The following DNAJC5B variants were observed in gnomAD, a reference collection of about 807,000 sequenced individuals.
The protein encoded by DNAJC5B is DnaJ heat shock protein family (Hsp40) member C5 beta.
A neutral mutation model predicts 24.7 loss-of-function variants in DNAJC5B; 23 were observed. The ratio of observed to expected loss-of-function variants is 0.93; its 90% CI spans 0.67 to 1.32. The LOEUF is 1.32. Ranked by LOEUF, DNAJC5B falls within the 40% of genes most tolerant of loss-of-function variation. The probability of loss-of-function intolerance (pLI) is 0.00; values close to 1 mark genes in which losing one functional copy is unlikely to be tolerated. For missense variants in DNAJC5B, 238 were observed against 240.8 expected (o/e 0.99, Z 0.08); for synonymous variants, 101 against 90.1 (o/e 1.12, Z -0.68).
At chr8:66,024,482 T>C (rs1806212647) in intron 1 of DNAJC5B, among the ~76,000 whole-genome samples, 1 of 137,606 alleles carries the variant, frequency 7.3e-6, no homozygotes. Flanking sequence ...TTGTGCAGGT[T>C]AGTTACATAT....
chr8:66,051,552 C>T lies in DNAJC5B; in HGVS notation c.5C>T (p.Ala2Val). Residue 2 changes from alanine to valine, a missense_variant, in exon 3 of 6, where the codon GCA (alanine) becomes GTA (valine). Transcript: ENST00000276570. M[A>V]CNIPNQRQRT... ...TTAGTTTTGCAGCCTTAGAAAATGGCATGTAACATACCTAACCAAAGACAG... is the reference window on the plus strand; with the variant it reads ...TTAGTTTTGCAGCCTTAGAAAATGGTATGTAACATACCTAACCAAAGACAG... 1.2e-6 allele frequency: 2 copies of T among 1,610,394 alleles called. No homozygotes were observed. The highest frequency in any genetic ancestry group is 1.7e-6 in the Non-Finnish European group (2 of 1,178,520).
At chr8:66,067,015 T>C (rs1412854611) in intron 3 of DNAJC5B, among the ~76,000 whole-genome samples, 1 of 152,208 alleles carries the variant, frequency 6.6e-6, no homozygotes, top group Non-Finnish European at 1.5e-5. Flanking sequence ...TTGGCTCATA[T>C]GTGTAACAGC....
At chr8:66,062,314 G>T (rs1478742052) in intron 3 of DNAJC5B, among the ~76,000 whole-genome samples, 2 of 152,182 alleles carry the variant, frequency 1.3e-5, no homozygotes, top group Non-Finnish European at 2.9e-5. Context: ...CAGAGGAGGG[G>T]CAGATCAGAA....
chr8:66,085,745 A>G (rs889951928), intron 5 of DNAJC5B, among the ~76,000 whole-genome samples: 2 of 150,684 alleles, frequency 1.3e-5, no homozygotes. Context: ...TTCCAACTTT[A>G]TTTTTTTTTA....
intron 1 of DNAJC5B, among the ~76,000 whole-genome samples, chr8:66,034,370 G>GTC (rs1806433626): frequency 6.6e-6 from 1 of 152,052 alleles, no homozygotes; most frequent in Non-Finnish European, 1.5e-5. Flanking sequence ...CACCCCACCA[G>GTC]CAGATGGACA....
Position 66,080,484 on chromosome 8 carries a change from A to G in DNAJC5B, c.441A>G (p.Pro147=), listed in dbSNP as rs1384898180. Residue 147 remains proline (P), a synonymous_variant, in exon 5 of 6, where the codon CCA becomes CCG. Transcript: ENST00000276570. ...CGHCRPESSV[P]EEDFYVSPED... ...ACTGCCGGCCCGAGTCATCAGTGCC[A>G]GAAGAGGACTTCTATGTGTCCCCAG... 1.1e-5 allele frequency: 17 copies of G among 1,613,816 alleles called. No homozygotes were observed. The highest frequency in any genetic ancestry group is 1.7e-5 in the Admixed American group (1 of 59,978).
At chr8:66,038,654 G>A (rs1005027290) in intron 1 of DNAJC5B, among the ~76,000 whole-genome samples, 1 of 152,068 alleles carries the variant, frequency 6.6e-6, no homozygotes, top group Admixed American at 6.5e-5. Flanking sequence ...TCCTGAGCAG[G>A]GAATACCATC....
upstream of DNAJC5B, among the ~76,000 whole-genome samples, chr8:66,018,432 T>C (rs746004646): frequency 1.3e-5 from 2 of 152,066 alleles, no homozygotes; most frequent in Non-Finnish European, 2.9e-5. Flanking sequence ...AGGCAGAGAA[T>C]TGCTTGAACC....
chr8:66,057,154 A>C (rs1586087097), intron 3 of DNAJC5B: 1 of 152,174 alleles, frequency 6.6e-6, no homozygotes, highest in Non-Finnish European at 1.5e-5. Flanking sequence ...AAATAAATAA[A>C]TAAAGTAACC....
At chr8:66,047,563 C>T (rs543679961) in intron 2 of DNAJC5B, among the ~76,000 whole-genome samples, 43 of 152,272 alleles carry the variant, frequency 2.8e-4, no homozygotes, top group African/African-American at 7.7e-4. Context: ...TCTCTGATGT[C>T]CCTAAGTACC....
intron 1 of DNAJC5B, among the ~76,000 whole-genome samples, chr8:66,036,106 G>A (rs1438591454): frequency 6.6e-6 from 1 of 152,200 alleles, no homozygotes; most frequent in Non-Finnish European, 1.5e-5. Context: ...ACCCCAATGA[G>A]CTGGCCAAGG....
chr8:66,045,577 T>C (rs1193761557), intron 2 of DNAJC5B, among the ~76,000 whole-genome samples: 2 of 152,210 alleles, frequency 1.3e-5, no homozygotes, highest in Admixed American at 1.3e-4. Context: ...GCCTTTTTTT[T>C]TCATACTAGA....
chr8:66,044,594 G>T (rs1806685719), intron 2 of DNAJC5B, among the ~76,000 whole-genome samples: 2 of 152,138 alleles, frequency 1.3e-5, no homozygotes. Flanking sequence ...TCATTGGGGG[G>T]TTGTACCTTC....
At position 66,055,808 on chromosome 8, in the gene DNAJC5B, G is replaced by T. The variant is rs939149060; in HGVS notation, c.119+4142G>T. Among the ~76,000 whole-genome samples the T allele has an allele frequency of 1.2e-4, 19 of 152,156 alleles. 2 individuals carry two copies. Among genetic ancestry groups the T allele is most frequent in the Admixed American group, 1.1e-3 (17 of 15,280 alleles). The stretch of plus-strand genomic sequence containing the variant: ...AATATAAAAATTAGCTGGGCGTGGT[G>T]ACGCATGCCTGTAATCCCAGCTGCT... On this transcript the variant is annotated intron_variant, in intron 3 of 5. Transcript: ENST00000276570.
At chr8:66,076,960 C>T in intron 4 of DNAJC5B, 87 bp downstream of exon 4, 1 of 1,380,316 alleles carries the variant, frequency 7.2e-7, no homozygotes, top group Non-Finnish European at 1.0e-6. Flanking sequence ...GGAAGTCTAA[C>T]CTTCCTGCTA....
chr8:66,014,978 G>T, the DNAJC5B span, among the ~76,000 whole-genome samples: 1 of 152,110 alleles, frequency 6.6e-6, no homozygotes, highest in Non-Finnish European at 1.5e-5. Context: ...AGAGTCAGTG[G>T]TTTCAAGGGA....
intron 5 of DNAJC5B, among the ~76,000 whole-genome samples, chr8:66,094,188 G>A (rs2128966976): frequency 6.6e-6 from 1 of 152,054 alleles, no homozygotes; most frequent in Non-Finnish European, 1.5e-5. Flanking sequence ...TCAGGTTTTT[G>A]TCAAGTTATT....
rs562528678 is a variant in DNAJC5B at position 66,050,505 on chromosome 8, A to G, written c.-17-1026A>G. On this transcript the variant is annotated intron_variant, in intron 2 of 5. Transcript: ENST00000276570. ...ACAATACCCAAATGTTCAATTGTAT[A>G]GGTTTCACCATCTGATAGATAGTTC... 2.0e-5 allele frequency among the ~76,000 whole-genome samples: 3 copies of G among 152,312 alleles called. No individual in the cohort carries two copies. In the South Asian group the frequency reaches 6.2e-4, roughly 32 times the overall value.
chr8:66,087,091 A>G (rs1807743119), intron 5 of DNAJC5B, among the ~76,000 whole-genome samples: 1 of 152,174 alleles, frequency 6.6e-6, no homozygotes, highest in South Asian at 2.1e-4. Context: ...GAGTATGGGT[A>G]ATTTATAAGC....
Sources: gnomAD v4.1 joint callset for allele counts (sites outside exome capture counted in the v4.1 genomes callset) on GRCh38, gnomAD v4.1.1 for gene constraint, MANE v1.5 for transcripts, NCBI Gene and HGNC (gene_info 2026-07-23, HGNC 2026-07-21) for gene names.